DVL3: variants seen among roughly 807,000 people sequenced by gnomAD.
DVL3 encodes the protein dishevelled segment polarity protein 3.
In DVL3, 27 loss-of-function variants were observed where a neutral mutation model predicts 67.4. The observed-to-expected ratio is 0.40, with a 90% CI of 0.30 to 0.55. DVL3 has a LOEUF of 0.55. Ranked by LOEUF, DVL3 falls within the 20% of genes least tolerant of loss-of-function variation. DVL3 has a pLI of 0.46. For synonymous variants in DVL3, 369 were observed against 396.8 expected, an observed-to-expected ratio of 0.93 and a Z score of 0.83; for missense variants, 819 against 1,021.5, an observed-to-expected ratio of 0.80 and a Z score of 2.70.
At position 184,165,298 on chromosome 3, in the gene DVL3, C is replaced by G. The variant is rs1018205126; in HGVS notation, c.693+92C>G. 12 of 1,538,220 alleles carry G rather than the reference C, an allele frequency of 7.8e-6. No homozygotes were observed. The highest frequency in any genetic ancestry group is 1.8e-5 in the Admixed American group (1 of 55,642). ...GCTTGTTCTTCCTTAGATCCCATCC[C>G]CCTAGTGCAGTGTTGAGAACCTTGG... On this transcript the variant is annotated intron_variant, in intron 6 of 14. Transcript: ENST00000313143. This position sits in a 1 kb window ranked among gnomAD's most constrained non-coding sequence, Gnocchi z 4.1.
chr3:184,156,524 G>T (rs780254642), intron 1 of DVL3: 1 of 455,344 alleles, frequency 2.2e-6, no homozygotes, highest in East Asian at 7.0e-5. Flanking sequence ...AGGGCCTGGG[G>T]CCTGGGTGGG....
Position 184,171,042 on chromosome 3 carries a change from T to G in DVL3, c.*287T>G. The G allele has an allele frequency of 4.5e-6, 6 of 1,338,616 alleles. No individual in the cohort carries two copies. The highest frequency in any genetic ancestry group is 4.8e-6 in the Non-Finnish European group (5 of 1,032,318). 82.9% of individuals were successfully genotyped at this position (1,338,616 alleles called of 1,614,324 possible). ...TCTCTGGGACCAGACTTGTTGGTGC[T>G]ACCCCTTACTCCCCTCTGCAACCCC... On this transcript the variant is annotated 3_prime_UTR_variant, in exon 15 of 15. Transcript: ENST00000313143.
At chr3:184,169,590 A>T (rs1174221682) in intron 13 of DVL3, among the ~76,000 whole-genome samples, 1 of 152,130 alleles carries the variant, frequency 6.6e-6, no homozygotes, top group Non-Finnish European at 1.5e-5. Flanking sequence ...CAGGAGGCTG[A>T]GGCAGGAGAA....
intron 13 of DVL3, 58 bp downstream of exon 13, chr3:184,168,123 A>C: frequency 6.3e-7 from 1 of 1,576,732 alleles, no homozygotes; most frequent in South Asian, 1.2e-5. Flanking sequence ...GGAGGTAGCC[A>C]GGGAAGTGGC....
In DVL3 at chr3:184,165,765, C is replaced by T. The variant is rs1714560758; in HGVS notation, c.763+274C>T. On this transcript the variant is annotated intron_variant, in intron 7 of 14. Transcript: ENST00000313143. This position sits in a 1 kb window ranked among gnomAD's most constrained non-coding sequence, Gnocchi z 4.1. ...ACTCCTTCACATCTCTCAGCCATTG[C>T]ATCCTTGCTCTCCGATTTCTGCCCT... is the stretch of plus-strand genomic sequence containing the variant. Among the ~76,000 whole-genome samples the T allele has an allele frequency of 1.3e-5, 2 of 152,184 alleles. No homozygotes were observed. Among genetic ancestry groups the T allele is most frequent in the African/African-American group, 4.8e-5 (2 of 41,456 alleles).
chr3:184,168,897 G>A (rs1381668529), intron 13 of DVL3, among the ~76,000 whole-genome samples: 1 of 152,174 alleles, frequency 6.6e-6, no homozygotes, highest in Admixed American at 6.5e-5. Context: ...GGGGGCGCCA[G>A]GATCGTGAGA....
At position 184,155,883 on chromosome 3, in the gene DVL3, A is replaced by G. The variant is rs1714165910; in HGVS notation, c.161+87A>G. On this transcript the variant is annotated intron_variant, in intron 1 of 14. Transcript: ENST00000313143. The surrounding 1 kb of genome is among the most constrained non-coding windows in gnomAD (Gnocchi z 5.4). Reference sequence around the variant, plus strand: ...GCGGTCCGTTTCGACTTGCCTCGCTACACCGGCTCCTAGCCCCGCTCTGAC... The same window carrying G: ...GCGGTCCGTTTCGACTTGCCTCGCTGCACCGGCTCCTAGCCCCGCTCTGAC... 1.4e-6 allele frequency: 2 copies of G among 1,469,780 alleles called. No individual in the cohort carries two copies. The allele number at this position is 1,469,780 out of a possible 1,614,324, so 91.0% of individuals were successfully genotyped here.
chr3:184,158,077 G>A (rs1714257735), intron 1 of DVL3, among the ~76,000 whole-genome samples: 2 of 152,190 alleles, frequency 1.3e-5, no homozygotes, highest in Admixed American at 1.3e-4. Context: ...GCTCACACCT[G>A]TAATCTCAGC....
Position 184,164,519 on chromosome 3 carries a change from G to A in DVL3, c.381G>A (p.Glu127=). The A allele has an allele frequency of 1.9e-6, 3 of 1,592,602 alleles. No homozygotes were observed. Among genetic ancestry groups the A allele is most frequent in the African/African-American group, 1.3e-5 (1 of 74,268 alleles). Residue 127 remains glutamate, a synonymous_variant, in exon 4 of 15, where the codon GAG becomes GAA. Transcript: ENST00000313143. The surrounding 1 kb of genome is among the most constrained non-coding windows in gnomAD (Gnocchi z 5.3). ...FHPHAGGGSQ[E]NLDNDTETDS... ...CTCATGCTGGTGGGGGCAGCCAGGA[G>A]AACCTGGACAATGACACAGAGACGG...
At chr3:184,168,927 G>A (rs1458393003) in intron 13 of DVL3, among the ~76,000 whole-genome samples, 1 of 152,170 alleles carries the variant, frequency 6.6e-6, no homozygotes, top group Non-Finnish European at 1.5e-5. Context: ...TTGGTGGAGT[G>A]AGACAGTGCT....
intron 1 of DVL3, among the ~76,000 whole-genome samples, chr3:184,162,560 C>CTTTTTT (rs35869796): frequency 8.9e-5 from 11 of 123,538 alleles, no homozygotes; most frequent in East Asian, 2.3e-4. Context: ...TTTTTCTTTT[C>CTTTTTT]TTTTTTTTTT....
In DVL3 at chr3:184,171,963, C is replaced by T. The variant is rs1714859182; in HGVS notation, c.*1208C>T. On this transcript the variant is annotated 3_prime_UTR_variant, in exon 15 of 15. Coordinates refer to ENST00000313143, the MANE Select transcript of DVL3 (RefSeq NM_004423.4). ...AGGGCTGGACCCTCCTAATCCTCTC[C>T]TAGGTTGTGGGGCTGGTCCCCTGAC... 1 of 152,964 alleles carries T rather than the reference C, an allele frequency of 6.5e-6. No homozygotes were observed. 9.5% of individuals were successfully genotyped at this position (152,964 alleles called of 1,614,324 possible). A position where few individuals can be genotyped will look rare whatever the true frequency, so the allele number is the denominator to read the frequency against.
intron 13 of DVL3, 145 bp from the exon 14 acceptor site, chr3:184,169,861 T>C: frequency 1.4e-6 from 1 of 708,838 alleles, no homozygotes; most frequent in Non-Finnish European, 2.2e-6. Context: ...AAAGGGGGTC[T>C]GCAGAAGGGG....
At position 184,164,044 on chromosome 3, in the gene DVL3, C is replaced by T. The variant is rs947368265; in HGVS notation, c.232-223C>T. On this transcript the variant is annotated intron_variant, in intron 2 of 14. Coordinates refer to ENST00000313143, the MANE Select transcript of DVL3 (RefSeq NM_004423.4). The surrounding 1 kb of genome is among the most constrained non-coding windows in gnomAD (Gnocchi z 5.3). ...AGACCTCTGAGCCTTGTTCTTTGTC[C>T]CCATTCCACTTCACCACCCCATGCC... Among the ~76,000 whole-genome samples, 12 of 152,066 alleles carry T rather than the reference C, an allele frequency of 7.9e-5. No homozygotes were observed. The highest frequency in any genetic ancestry group is 1.8e-4 in the Non-Finnish European group (12 of 68,018).
rs1234050502 is a variant in DVL3 at position 184,163,549 on chromosome 3, G to C, written c.162-108G>C. The C allele has an allele frequency of 6.3e-6, 6 of 959,388 alleles. No individual in the cohort carries two copies. Among genetic ancestry groups the C allele is most frequent in the African/African-American group, 3.2e-5 (2 of 62,260 alleles). 59.4% of individuals were successfully genotyped at this position (959,388 alleles called of 1,614,324 possible). A position where few individuals can be genotyped will look rare whatever the true frequency, so the allele number is the denominator to read the frequency against. On this transcript the variant is annotated intron_variant, in intron 1 of 14. Transcript: ENST00000313143. The surrounding 1 kb of genome is among the most constrained non-coding windows in gnomAD (Gnocchi z 4.5). The stretch of plus-strand genomic sequence containing the variant: ...GCTTTCATTTGAACAGTCTTGTGCT[G>C]GTGGTTTGATTCCCAGTTTAGGATG...
Position 184,166,232 on chromosome 3 carries a change from T to C in DVL3, c.870T>C (p.Asp290=). Residue 290 remains aspartate, a synonymous_variant, in exon 8 of 15, where the codon GAT becomes GAC. Coordinates refer to ENST00000313143, the MANE Select transcript of DVL3 (RefSeq NM_004423.4). This position sits in a 1 kb window ranked among gnomAD's most constrained non-coding sequence, Gnocchi z 6.7. The part of the protein sequence containing the change: ...SIMKGGAVAA[D]GRIEPGDMLL... ...TGAAGGGTGGGGCCGTGGCTGCTGA[T>C]GGACGCATCGAGCCAGGAGATATGT... 2 of 1,613,068 alleles carry C rather than the reference T, an allele frequency of 1.2e-6. No homozygotes were observed. Among genetic ancestry groups the C allele is most frequent in the Non-Finnish European group, 8.5e-7 (1 of 1,179,760 alleles).
chr3:184,171,304 C>G lies in DVL3; in HGVS notation c.*549C>G, dbSNP rs1330592326. On this transcript the variant is annotated 3_prime_UTR_variant, in exon 15 of 15. Coordinates refer to ENST00000313143, the MANE Select transcript of DVL3 (RefSeq NM_004423.4). ...CTGCCTGCTGCCTCAGTCCTGCAAC[C>G]TAAAGCTGTAGTCGCCTCCAATAGC... 1 of 1,032,588 alleles carries G rather than the reference C, an allele frequency of 9.7e-7. No homozygotes were observed. The highest frequency in any genetic ancestry group is 1.2e-6 in the Non-Finnish European group (1 of 860,090). The allele number at this position is 1,032,588 out of a possible 1,614,324, so 64.0% of individuals were successfully genotyped here. A position where few individuals can be genotyped will look rare whatever the true frequency, so the allele number is the denominator to read the frequency against.
At position 184,165,880 on chromosome 3, in the gene DVL3, A is replaced by T. The variant is rs1399333929; in HGVS notation, c.764-246A>T. ...AGTTTGATTCCTGGCTCTGCCACTT[A>T]CTGGCTTAGAAAAGTCATCTTCTAA... On this transcript the variant is annotated intron_variant, in intron 7 of 14. Transcript: ENST00000313143. The surrounding 1 kb of genome is among the most constrained non-coding windows in gnomAD (Gnocchi z 4.1). 6.6e-6 allele frequency among the ~76,000 whole-genome samples: 1 copy of T among 152,186 alleles called. No homozygotes were observed. The highest frequency in any genetic ancestry group is 1.9e-4 in the East Asian group (1 of 5,196).
intron 13 of DVL3, among the ~76,000 whole-genome samples, chr3:184,169,433 G>A (rs1168873059): frequency 2.0e-5 from 3 of 152,152 alleles, no homozygotes; most frequent in South Asian, 2.1e-4. Flanking sequence ...AGTGGCTCGC[G>A]CCTGTAATCC....
Sources: gnomAD v4.1 joint callset for allele counts (sites outside exome capture counted in the v4.1 genomes callset) on GRCh38, gnomAD v4.1.1 for gene constraint, Gnocchi (gnomAD v3.1) non-coding constraint, MANE v1.5 for transcripts, NCBI Gene and HGNC (gene_info 2026-07-23, HGNC 2026-07-21) for gene names.